Variants in ITGA8 observed in about 807,000 individuals in gnomAD.
The protein encoded by ITGA8 is integrin subunit alpha 8, also known as integrin alpha-8.
In ITGA8, 91 loss-of-function variants were observed where a neutral mutation model predicts 142.3. The observed-to-expected ratio is 0.64, with a 90% CI of 0.54 to 0.76. The LOEUF is 0.76. ITGA8 is among the 30% of genes least tolerant of loss of function. ITGA8 has a pLI of 0.00. For missense variants in ITGA8, 1,406 were observed against 1,327.7 expected (o/e 1.06, Z -0.92); for synonymous variants, 505 against 485.2 (o/e 1.04, Z -0.54).
At chr10:15,566,797 G>A (rs557795540) in intron 25 of ITGA8, among the ~76,000 whole-genome samples, 12 of 101,176 alleles carry the variant, frequency 1.2e-4, no homozygotes, top group African/African-American at 4.1e-4. Flanking sequence ...ATGCAACAGA[G>A]TGAGACCTTG....
intron 2 of ITGA8, among the ~76,000 whole-genome samples, chr10:15,714,638 A>G (rs185474979): frequency 2.0e-5 from 3 of 152,320 alleles, no homozygotes; most frequent in Admixed American, 2.0e-4. Flanking sequence ...ATTCATCATG[A>G]GAAATGTTAA....
At position 15,671,078 on chromosome 10, in the gene ITGA8, C is replaced by T. The variant is rs149265132; in HGVS notation, c.847+525G>A. ...TCTGTGTTCATTATTTCATGTCCAT[C>T]AGCCCTGGTAGACAACAGCCACAGC... On this transcript the variant is annotated intron_variant, in intron 8 of 29. Coordinates refer to ENST00000378076, the MANE Select transcript of ITGA8 (RefSeq NM_003638.3). Among the ~76,000 whole-genome samples, 936 of 152,252 alleles carry T rather than the reference C, an allele frequency of 6.1e-3. 23 individuals carry two copies. Among genetic ancestry groups the T allele is most frequent in the East Asian group, 0.025 (128 of 5,180 alleles).
intron 23 of ITGA8, among the ~76,000 whole-genome samples, chr10:15,584,795 G>A (rs1832794534): frequency 6.6e-6 from 1 of 152,098 alleles, no homozygotes; most frequent in African/African-American, 2.4e-5. Context: ...GCTAAGGCCT[G>A]TAATAATCCT....
intron 3 of ITGA8, among the ~76,000 whole-genome samples, chr10:15,687,129 C>T (rs147817607): frequency 2.6e-4 from 40 of 152,228 alleles, no homozygotes; most frequent in African/African-American, 9.6e-4. Context: ...ACTCTTTATA[C>T]CTTACCTGTT....
At position 15,604,286 on chromosome 10, in the gene ITGA8, C is replaced by T; in HGVS notation, c.2040G>A (p.Gly680=). 5 of 1,612,430 alleles carry T rather than the reference C, an allele frequency of 3.1e-6. No homozygotes were observed. The highest frequency in any genetic ancestry group is 4.2e-6 in the Non-Finnish European group (5 of 1,178,692). The change falls in exon 20 of 30, where the codon GGG becomes GGA. Residue 680 remains glycine (G), a synonymous_variant. Transcript: ENST00000378076. Reference sequence around the variant, plus strand: ...AGAGTTCAGCTTCATATGCTCCTTCCCCTTCATTTCTTGCATTTATTATGA... The same window carrying T: ...AGAGTTCAGCTTCATATGCTCCTTCTCCTTCATTTCTTGCATTTATTATGA... ...LMLIINARNE[G]EGAYEAELFV...
chr10:15,544,756 T>C (rs1326366569), intron 27 of ITGA8, among the ~76,000 whole-genome samples: 1 of 152,178 alleles, frequency 6.6e-6, no homozygotes, highest in Non-Finnish European at 1.5e-5. Context: ...GACTGATATG[T>C]GCAAATGATA....
chr10:15,719,477 CG>C (rs1336728841), intron 1 of ITGA8, 85 bp downstream of exon 1: 5 of 1,263,646 alleles, frequency 4.0e-6, no homozygotes, highest in Non-Finnish European at 4.2e-6. Flanking sequence ...TCCCAGGCTG[CG>C]GGGGGACTCC....
rs544717780 is a variant in ITGA8, at chr10:15,589,419, G to A, written c.2292-2755C>T. ...ACACAGGGAGGAAAATGTTTATGTC[G>A]TGTAGAGTGAGGGCATGGAGAGACC... On this transcript the variant is annotated intron_variant, in intron 22 of 29. Coordinates refer to ENST00000378076, the MANE Select transcript of ITGA8 (RefSeq NM_003638.3). 5.9e-5 allele frequency among the ~76,000 whole-genome samples: 9 copies of A among 152,238 alleles called. 1 individual carries two copies. The highest frequency in any genetic ancestry group is 3.4e-3 in the Middle Eastern group (1 of 294).
At position 15,678,697 on chromosome 10, in the gene ITGA8, G is replaced by A. The variant is rs1400390015; in HGVS notation, c.630+25C>T. 8 of 1,548,218 alleles carry A rather than the reference G, an allele frequency of 5.2e-6. No individual in the cohort carries two copies. In the South Asian group the frequency reaches 5.6e-5, roughly 11 times the overall value. The stretch of plus-strand genomic sequence containing the variant: ...AAAAAAAAATCAGATTAAATATTAG[G>A]AACTGCGAGACCAAAATAATTCACC... On this transcript the variant is annotated intron_variant, in intron 5 of 29. Coordinates refer to ENST00000378076, the MANE Select transcript of ITGA8 (RefSeq NM_003638.3).
chr10:15,684,906 C>T (rs1358584033), intron 3 of ITGA8, among the ~76,000 whole-genome samples: 1 of 152,044 alleles, frequency 6.6e-6, no homozygotes, highest in East Asian at 1.9e-4. Flanking sequence ...GCTAGTAAAC[C>T]TCTGTTTTGT....
At chr10:15,706,159 T>C (rs976446258) in intron 2 of ITGA8, among the ~76,000 whole-genome samples, 2 of 152,188 alleles carry the variant, frequency 1.3e-5, no homozygotes, top group African/African-American at 2.4e-5. Context: ...GGGTATTTCA[T>C]CTAAGACATG....
At chr10:15,709,815 C>T (rs1309630881) in intron 2 of ITGA8, among the ~76,000 whole-genome samples, 1 of 152,178 alleles carries the variant, frequency 6.6e-6, no homozygotes, top group Non-Finnish European at 1.5e-5. Context: ...AGAATGAAAA[C>T]AGGTGAGACT....
At chr10:15,558,011 T>C in intron 26 of ITGA8, 63 bp downstream of exon 26, 1 of 1,582,364 alleles carries the variant, frequency 6.3e-7, no homozygotes, top group South Asian at 1.1e-5. Flanking sequence ...AAACTATCTG[T>C]ATTTGAGGGT....
At chr10:15,568,228 C>A (rs1392115951) in intron 25 of ITGA8, among the ~76,000 whole-genome samples, 1 of 152,182 alleles carries the variant, frequency 6.6e-6, no homozygotes. Flanking sequence ...TGGTCCAAGA[C>A]AAATATTCAG....
In ITGA8 at chr10:15,548,517, CG is replaced by C; in HGVS notation, c.2817del (p.Glu940LysfsTer8). 1 of 1,601,334 alleles carries C rather than the reference CG, an allele frequency of 6.2e-7. No individual in the cohort carries two copies. The highest frequency in any genetic ancestry group is 8.5e-7 in the Non-Finnish European group (1 of 1,176,704). The part of the protein sequence containing the change: ...CLQISCAVGR[L>X]EGGESAVLKV... ...TTCAGGACTGCGCTTTCTCCTCCTT[CG>C]AGTCGTCCCACTGCACAGGAGATTT... On this transcript the variant is annotated frameshift_variant, in exon 27 of 30. Coordinates refer to ENST00000378076, the MANE Select transcript of ITGA8 (RefSeq NM_003638.3). LOFTEE classifies it high-confidence loss of function.
At position 15,634,044 on chromosome 10, in the gene ITGA8, G is replaced by A. The variant is rs566168126; in HGVS notation, c.1399+9986C>T. On this transcript the variant is annotated intron_variant, in intron 13 of 29. Transcript: ENST00000378076. ...TAATCTCAGGGTCTTTGCTCATGCT[G>A]TGTTCCCCTTCTGAGATGCTTTCTC... is the stretch of plus-strand genomic sequence containing the variant. Among the ~76,000 whole-genome samples, 98 of 152,256 alleles carry A rather than the reference G, an allele frequency of 6.4e-4. 2 individuals carry two copies. The highest frequency in any genetic ancestry group is 3.4e-3 in the Middle Eastern group (1 of 294).
At chr10:15,636,617 A>G (rs1479746888) in intron 13 of ITGA8, among the ~76,000 whole-genome samples, 1 of 152,094 alleles carries the variant, frequency 6.6e-6, no homozygotes, top group Non-Finnish European at 1.5e-5. Context: ...GTCATCTTTT[A>G]CACCCACCTC....
intron 22 of ITGA8, among the ~76,000 whole-genome samples, chr10:15,589,764 ATT>A: frequency 7.3e-6 from 1 of 137,590 alleles, no homozygotes; most frequent in Admixed American, 7.4e-5. Flanking sequence ...CAAACGCTGT[ATT>A]TTTTTTTTTT....
chr10:15,582,287 C>T (rs1834422893), intron 23 of ITGA8, among the ~76,000 whole-genome samples: 1 of 152,030 alleles, frequency 6.6e-6, no homozygotes, highest in Admixed American at 6.6e-5. Context: ...CACCTCACAC[C>T]AGATACAATT....
Sources: allele counts gnomAD v4.1 joint callset (sites outside exome capture counted in the v4.1 genomes callset), GRCh38; gene constraint gnomAD v4.1.1; transcripts MANE v1.5; gene names NCBI Gene and HGNC (gene_info 2026-07-23, HGNC 2026-07-21).